GABRB2: variants seen among roughly 807,000 people sequenced by gnomAD.
GABRB2 encodes the protein gamma-aminobutyric acid type A receptor subunit beta2, also known as gamma-aminobutyric acid receptor subunit beta-2.
Under a neutral mutation model 54.7 loss-of-function variants are expected in GABRB2, and 16 were observed. The observed-to-expected ratio is 0.29, with a 90% CI of 0.20 to 0.44. GABRB2 has a LOEUF of 0.44. Among genes scored for constraint, GABRB2 ranks in the 20% least tolerant of loss-of-function variants. The pLI, the probability that GABRB2 is intolerant of heterozygous loss-of-function variation, is 1.00. For missense variants in GABRB2, 355 were observed against 644.0 expected (o/e 0.55, Z 4.86); for synonymous variants, 244 against 233.8 (o/e 1.04, Z -0.40).
At chr5:161,354,267 G>C (rs1754554629) in intron 5 of GABRB2, among the ~76,000 whole-genome samples, 1 of 151,982 alleles carries the variant, frequency 6.6e-6, no homozygotes, top group Non-Finnish European at 1.5e-5. Flanking sequence ...TCTATGCATA[G>C]AGTGAAACTC....
intron 5 of GABRB2, among the ~76,000 whole-genome samples, chr5:161,381,990 C>A (rs1755483862): frequency 6.6e-6 from 1 of 152,162 alleles, no homozygotes; most frequent in East Asian, 1.9e-4. Context: ...TATCTGGTTG[C>A]ATGTTCAGCA....
intron 7 of GABRB2, among the ~76,000 whole-genome samples, chr5:161,333,030 A>T (rs1289934005): frequency 2.0e-5 from 3 of 152,218 alleles, no homozygotes. Context: ...CGTATATAAT[A>T]AAACTGACAT....
chr5:161,512,260 A>G (rs1759796598), intron 3 of GABRB2, among the ~76,000 whole-genome samples: 1 of 152,056 alleles, frequency 6.6e-6, no homozygotes, highest in Non-Finnish European at 1.5e-5. Context: ...ATGGAATGAA[A>G]AAAAGAGCCT....
intron 9 of GABRB2, among the ~76,000 whole-genome samples, chr5:161,303,059 C>T (rs927531001): frequency 1.3e-5 from 2 of 152,134 alleles, no homozygotes; most frequent in South Asian, 4.1e-4. Context: ...GCCTTTTTAA[C>T]TTCTATTATG....
chr5:161,394,972 A>T (rs1324054591), intron 5 of GABRB2, among the ~76,000 whole-genome samples: 1 of 152,166 alleles, frequency 6.6e-6, no homozygotes, highest in Non-Finnish European at 1.5e-5. Flanking sequence ...ATAGAATATC[A>T]CATCTAACAT....
At chr5:161,452,684 A>G (rs1326699188) in intron 4 of GABRB2, among the ~76,000 whole-genome samples, 1 of 152,068 alleles carries the variant, frequency 6.6e-6, no homozygotes, top group African/African-American at 2.4e-5. Context: ...ATACCTCCTG[A>G]ACCTAAAATT....
chr5:161,388,729 C>T (rs187609373), intron 5 of GABRB2, among the ~76,000 whole-genome samples: 1 of 151,878 alleles, frequency 6.6e-6, no homozygotes, highest in East Asian at 1.9e-4. Flanking sequence ...TAGCTTTTTA[C>T]TACCAATAAG....
chr5:161,462,109 G>A (rs906237369), intron 3 of GABRB2, among the ~76,000 whole-genome samples: 4 of 152,128 alleles, frequency 2.6e-5, no homozygotes, highest in African/African-American at 9.7e-5. Flanking sequence ...ATTAGTGTAG[G>A]ACCCTCCAAT....
intron 5 of GABRB2, among the ~76,000 whole-genome samples, chr5:161,382,821 G>A (rs1755509182): frequency 1.3e-5 from 2 of 152,180 alleles, no homozygotes; most frequent in African/African-American, 4.8e-5. Flanking sequence ...TCTTCACTTT[G>A]ACAGATCAAG....
intron 3 of GABRB2, among the ~76,000 whole-genome samples, chr5:161,469,263 T>G (rs1040351123): frequency 6.6e-6 from 1 of 151,954 alleles, no homozygotes; most frequent in Non-Finnish European, 1.5e-5. Flanking sequence ...TATGTCTTTA[T>G]GCATATTTCA....
At chr5:161,416,665 C>A (rs1756676467) in intron 4 of GABRB2, among the ~76,000 whole-genome samples, 1 of 119,298 alleles carries the variant, frequency 8.4e-6, no homozygotes, top group African/African-American at 3.0e-5. Flanking sequence ...CCGCTGCACT[C>A]CAGCCTGGGC....
At chr5:161,385,198 C>T (rs1168929021) in intron 5 of GABRB2, among the ~76,000 whole-genome samples, 1 of 152,184 alleles carries the variant, frequency 6.6e-6, no homozygotes, top group African/African-American at 2.4e-5. Context: ...TCCTTCCACT[C>T]CAGATGCAAA....
At chr5:161,319,138 T>A (rs1643535) in intron 9 of GABRB2, among the ~76,000 whole-genome samples, 63,189 of 141,606 alleles carry the variant, frequency 0.45, 14,283 homozygotes, top group African/African-American at 0.62. Flanking sequence ...TTTTTTTTTT[T>A]TAAATAAACA....
chr5:161,344,206 T>C (rs1754253105), intron 5 of GABRB2, among the ~76,000 whole-genome samples: 1 of 152,106 alleles, frequency 6.6e-6, no homozygotes, highest in South Asian at 2.1e-4. Context: ...TAGTTCTATT[T>C]CCTTTACAAG....
In GABRB2 at chr5:161,427,100, T is replaced by C. The variant is rs531387858; in HGVS notation, c.459-16043A>G. 5.3e-5 allele frequency among the ~76,000 whole-genome samples: 8 copies of C among 152,318 alleles called. No homozygotes were observed. In the South Asian group the frequency reaches 8.3e-4, roughly 16 times the overall value. On this transcript the variant is annotated intron_variant, in intron 4 of 9. Coordinates refer to ENST00000393959, the MANE Select transcript of GABRB2 (RefSeq NM_001371727.1). ...CTTAAAAAATAAAGAGCAAAACCTA[T>C]GGCAAAGGGCTTCATATTTCAGTGA...
At chr5:161,491,426 A>G (rs1213663190) in intron 3 of GABRB2, among the ~76,000 whole-genome samples, 1 of 151,686 alleles carries the variant, frequency 6.6e-6, no homozygotes, top group African/African-American at 2.4e-5. Context: ...TCTCAGATGC[A>G]AATACAATTT....
chr5:161,293,983 C>A lies in GABRB2; in HGVS notation c.*98G>T. On this transcript the variant is annotated 3_prime_UTR_variant, in exon 10 of 10. Coordinates refer to ENST00000393959, the MANE Select transcript of GABRB2 (RefSeq NM_001371727.1). ...CAGCAACTAAGGTATTTTAGCGTCA[C>A]TTTTGTCCTGGATTGATGTGTTTTC... 1.1e-6 allele frequency: 1 copy of A among 948,986 alleles called. No individual in the cohort carries two copies. 58.8% of individuals were successfully genotyped at this position (948,986 alleles called of 1,614,324 possible).
chr5:161,334,005 G>A (rs1409559156), intron 7 of GABRB2, among the ~76,000 whole-genome samples: 1 of 152,104 alleles, frequency 6.6e-6, no homozygotes, highest in African/African-American at 2.4e-5. Flanking sequence ...AGTACAATTA[G>A]CATATATTAG....
intron 4 of GABRB2, among the ~76,000 whole-genome samples, chr5:161,442,416 T>C (rs766991362): frequency 6.6e-6 from 1 of 152,194 alleles, no homozygotes; most frequent in Non-Finnish European, 1.5e-5. Flanking sequence ...GTGCAGAATC[T>C]TCCACCAGGA....
Sources: allele counts gnomAD v4.1 joint callset (sites outside exome capture counted in the v4.1 genomes callset), GRCh38; gene constraint gnomAD v4.1.1; transcripts MANE v1.5; gene names NCBI Gene and HGNC (gene_info 2026-07-23, HGNC 2026-07-21).